Variants in JAK1 observed in about 807,000 individuals in gnomAD.
JAK1 encodes the protein Janus kinase 1, also known as tyrosine-protein kinase JAK1.
JAK1 carries 16 observed loss-of-function variants against 136.6 expected under a neutral mutation model. The ratio of observed to expected loss-of-function variants is 0.12; its 90% confidence interval spans 0.08 to 0.18. The LOEUF (loss-of-function observed/expected upper bound fraction) is 0.18, where lower values mean the gene tolerates loss of function less well. Ranked by LOEUF, JAK1 falls within the 10% of genes least tolerant of loss-of-function variation. The pLI is 1.00. For missense variants in JAK1, 859 were observed against 1,450.1 expected (o/e 0.59, Z 6.62); for synonymous variants, 492 against 519.5 (o/e 0.95, Z 0.72).
chr1:64,878,516 T>C (rs994569600), intron 4 of JAK1, among the ~76,000 whole-genome samples: 40 of 145,330 alleles, frequency 2.8e-4, no homozygotes, highest in Admixed American at 4.8e-4. Context: ...TTGCAACTTT[T>C]AGTAAGAAAA....
At chr1:65,012,278 G>A (rs1035660075) in intron 2 of JAK1, among the ~76,000 whole-genome samples, 8 of 151,956 alleles carry the variant, frequency 5.3e-5, no homozygotes, top group Non-Finnish European at 1.2e-4. Flanking sequence ...TAGAGAAAAA[G>A]GACCATCCTA....
rs1654285096 is a variant in JAK1 at position 64,833,711 on chromosome 1, A to T, written c.*851T>A. 2 of 232,948 alleles carry T rather than the reference A, an allele frequency of 8.6e-6. No homozygotes were observed. The highest frequency in any genetic ancestry group is 1.7e-5 in the Non-Finnish European group (2 of 117,904). The allele number at this position is 232,948 out of a possible 1,614,324, so 14.4% of individuals were successfully genotyped here. A position where few individuals can be genotyped will look rare whatever the true frequency, so the allele number is the denominator to read the frequency against. On this transcript the variant is annotated 3_prime_UTR_variant, in exon 25 of 25. Transcript: ENST00000342505. Reference sequence around the variant, plus strand: ...AGACTGGTTGCATACAGCATTCAAAACCAGTGCTGGAATAGCTTGCCCCAA... The same window carrying T: ...AGACTGGTTGCATACAGCATTCAAATCCAGTGCTGGAATAGCTTGCCCCAA...
At chr1:64,917,139 C>G (rs1040496774) in intron 1 of JAK1, among the ~76,000 whole-genome samples, 1 of 152,038 alleles carries the variant, frequency 6.6e-6, no homozygotes, top group Non-Finnish European at 1.5e-5. Flanking sequence ...TATAAAGCTT[C>G]CAAAAGAGAA....
rs542875679 is a variant in JAK1, at chr1:64,901,749, T to A, written c.-77-15408A>T. On this transcript the variant is annotated intron_variant, in intron 1 of 24. Coordinates refer to ENST00000342505, the MANE Select transcript of JAK1 (RefSeq NM_002227.4). ...GAGTGCAACCATCATCACTATCTAC[T>A]TCCAGAACATTTCACCACCCCAAAA... Among the ~76,000 whole-genome samples the A allele has an allele frequency of 2.0e-4, 30 of 152,290 alleles. No homozygotes were observed. The South Asian group carries it at 6.2e-3, about 32-fold the overall frequency.
chr1:64,846,718 T>A lies in JAK1; in HGVS notation c.1918A>T (p.Ser640Cys). Residue 640 changes from serine (S) to cysteine (C), a missense_variant, in exon 14 of 25, where the codon AGC becomes TGC. Ser to Cys is a moderately radical substitution (Grantham distance 112). Around this residue, in one of 4 missense-constraint regions of JAK1, gnomAD observed 409 missense variants for 753.8 expected, o/e 0.54. Coordinates refer to ENST00000342505, the MANE Select transcript of JAK1 (RefSeq NM_002227.4). ...DISLAFFEAA[S>C]MMRQVSHKHI... ...TTGTGGGAGACCTGTCTCATCATGC[T>A]GGCTGCCTCGAAGAAGGCCTGTGGG... 1 of 1,614,086 alleles carries A rather than the reference T, an allele frequency of 6.2e-7. No homozygotes were observed. The highest frequency in any genetic ancestry group is 8.5e-7 in the Non-Finnish European group (1 of 1,180,000).
At chr1:65,013,542 G>A (rs1178634448) in intron 2 of JAK1, among the ~76,000 whole-genome samples, 1 of 152,166 alleles carries the variant, frequency 6.6e-6, no homozygotes, top group Non-Finnish European at 1.5e-5. Context: ...TTTCATCTCT[G>A]AAAATTTGTA....
rs756495476 is a variant in JAK1, at chr1:64,864,984, C to A, written c.991-12G>T. On this transcript the variant is annotated splice_polypyrimidine_tract_variant and intron_variant, in intron 7 of 24. Coordinates refer to ENST00000342505, the MANE Select transcript of JAK1 (RefSeq NM_002227.4). ...TCAACAGAAACAACCTGATAAGATA[C>A]ATAAAAGGGACAGGGTTAAGTTGCT... 1.2e-6 allele frequency: 2 copies of A among 1,601,786 alleles called. No homozygotes were observed. The highest frequency in any genetic ancestry group is 1.3e-5 in the African/African-American group (1 of 74,446).
At chr1:64,928,798 A>AAAAAAAAAAAAAAAAAAAAAAC (rs1557699679) in intron 1 of JAK1, among the ~76,000 whole-genome samples, 51 of 89,972 alleles carry the variant, frequency 5.7e-4, no homozygotes, top group East Asian at 1.8e-3. Context: ...AAAAAAAAAC[A>AAAAAAAAAAAAAAAAAAAAAAC]AAAAAAAAAA....
At chr1:64,861,345 G>T (rs928146314) in intron 8 of JAK1, among the ~76,000 whole-genome samples, 2 of 152,116 alleles carry the variant, frequency 1.3e-5, no homozygotes, top group African/African-American at 4.8e-5. Flanking sequence ...ACTCAGAGTG[G>T]GAAGAGGCAA....
At chr1:64,917,369 T>C (rs992554476) in intron 1 of JAK1, among the ~76,000 whole-genome samples, 1 of 152,084 alleles carries the variant, frequency 6.6e-6, no homozygotes, top group Non-Finnish European at 1.5e-5. Context: ...CTGCTATGCA[T>C]CCTTCTGAAA....
At chr1:64,966,637 C>T (rs1301684345), upstream of JAK1, 1 of 146,384 alleles carries the variant, frequency 6.8e-6, no homozygotes, top group African/African-American at 2.5e-5. Flanking sequence ...TCACCAGCGG[C>T]AGCCCCGGAA....
chr1:65,013,241 TAAA>T (rs1646864795), intron 2 of JAK1, among the ~76,000 whole-genome samples: 1 of 145,302 alleles, frequency 6.9e-6, no homozygotes, highest in Admixed American at 6.9e-5. Flanking sequence ...ACTAAAAATA[TAAA>T]AAATTAGCCG....
At chr1:64,884,711 T>C (rs1257464385) in intron 2 of JAK1, among the ~76,000 whole-genome samples, 5 of 152,168 alleles carry the variant, frequency 3.3e-5, no homozygotes, top group Non-Finnish European at 5.9e-5. Context: ...ATGGCAAACT[T>C]CAACTTTCTT....
Position 64,845,593 on chromosome 1 carries a change from T to A in JAK1, c.2035A>T (p.Met679Leu), listed in dbSNP as rs749721569. Residue 679 changes from methionine to leucine, a missense_variant, in exon 15 of 25, where the codon ATG becomes TTG. Physicochemically the swap from Met to Leu is conservative, Grantham distance 15. Coordinates refer to ENST00000342505, the MANE Select transcript of JAK1 (RefSeq NM_002227.4). The part of the protein sequence containing the change: ...FVEGGPLDLF[M>L]HRKSDVLTTP... ...GTAAGGACATCGCTTTTCCGGTGCATGAAGAGATCCAGAGGACCCCCTTCC... is the reference window on the plus strand; with the variant it reads ...GTAAGGACATCGCTTTTCCGGTGCAAGAAGAGATCCAGAGGACCCCCTTCC... 1.2e-6 allele frequency: 2 copies of A among 1,614,012 alleles called. No homozygotes were observed. Among genetic ancestry groups the A allele is most frequent in the East Asian group, 2.2e-5 (1 of 44,882 alleles).
In JAK1 at chr1:64,844,015, G is replaced by A. The variant is rs368264354; in HGVS notation, c.2403+49C>T. The A allele has an allele frequency of 1.2e-6, 2 of 1,606,442 alleles. No individual in the cohort carries two copies. Among genetic ancestry groups the A allele is most frequent in the African/African-American group, 2.7e-5 (2 of 74,726 alleles). ...CCGACAACTCCTGGGAAGCCCACGA[G>A]CACCTGAAAGCCCTCACTTGCCTCA... On this transcript the variant is annotated intron_variant, in intron 17 of 24. Transcript: ENST00000342505. The surrounding 1 kb of genome is among the most constrained non-coding windows in gnomAD (Gnocchi z 5.7).
chr1:65,044,677 G>A (rs531186605), intron 1 of JAK1, among the ~76,000 whole-genome samples: 11 of 152,290 alleles, frequency 7.2e-5, no homozygotes, highest in African/African-American at 2.6e-4. Context: ...CTGAGCTGGT[G>A]GCTGTTTGTA....
rs1334665356 is a variant in JAK1 at position 64,894,596 on chromosome 1, T to TA, written c.-77-8256dup. On this transcript the variant is annotated intron_variant, in intron 1 of 24. Transcript: ENST00000342505. ...CAATATGGTGAAACCCCGTCTCTACTAAAAAAAACAAAAAACAAAAAACAA... is the reference window on the plus strand; with the variant it reads ...CAATATGGTGAAACCCCGTCTCTACTAAAAAAAAACAAAAAACAAAAAACAA... 1.5e-4 allele frequency among the ~76,000 whole-genome samples: 23 copies of TA among 151,296 alleles called. No individual in the cohort carries two copies. In the East Asian group the frequency reaches 1.6e-3, roughly 10 times the overall value.
In JAK1 at chr1:64,883,451, T is replaced by TG; in HGVS notation, c.30dup (p.Asn11GlnfsTer8). 5 of 1,614,078 alleles carry TG rather than the reference T, an allele frequency of 3.1e-6. No individual in the cohort carries two copies. The highest frequency in any genetic ancestry group is 4.2e-6 in the Non-Finnish European group (5 of 1,179,934). On this transcript the variant is annotated frameshift_variant, in exon 3 of 25. Transcript: ENST00000342505. LOFTEE classifies it high-confidence loss of function. Reference sequence around the variant, plus strand: ...ATTTTAGCACAGAAAGCCATGGCATTGCAGTCCTCTTTTATATTTAGATAC... The same window carrying TG: ...ATTTTAGCACAGAAAGCCATGGCATTGGCAGTCCTCTTTTATATTTAGATAC...
intron 5 of JAK1, among the ~76,000 whole-genome samples, chr1:64,870,700 T>TA (rs2101140115): frequency 6.6e-6 from 1 of 152,228 alleles, no homozygotes; most frequent in African/African-American, 2.4e-5. Context: ...TGTTCCTGCA[T>TA]ATGTGAGATG....
Sources: gnomAD v4.1 joint callset for allele counts (sites outside exome capture counted in the v4.1 genomes callset) on GRCh38, gnomAD v4.1.1 for gene constraint, gnomAD v4.1.1 regional missense constraint, Gnocchi (gnomAD v3.1) non-coding constraint, MANE v1.5 for transcripts, NCBI Gene and HGNC (gene_info 2026-07-23, HGNC 2026-07-21) for gene names.